LRP1B: variants seen among roughly 807,000 people sequenced by gnomAD.
LRP1B encodes the protein low-density lipoprotein receptor-related protein 1B.
A neutral mutation model predicts 556.6 loss-of-function variants in LRP1B; 217 were observed. That is an observed-to-expected ratio of 0.39 (90% CI 0.35 to 0.44). The LOEUF (loss-of-function observed/expected upper bound fraction) is 0.44, where lower values mean the gene tolerates loss of function less well. Among genes scored for constraint, LRP1B ranks in the 20% least tolerant of loss-of-function variants. The probability of loss-of-function intolerance (pLI) is 1.00; values close to 1 mark genes in which losing one functional copy is unlikely to be tolerated. For missense variants in LRP1B, 5,053 were observed against 5,620.8 expected, an observed-to-expected ratio of 0.90 and a Z score of 3.23; for synonymous variants, 2,047 against 1,865.8, an observed-to-expected ratio of 1.10 and a Z score of -2.50.
intron 43 of LRP1B, among the ~76,000 whole-genome samples, chr2:140,581,116 T>C (rs1470022118): frequency 6.6e-6 from 1 of 152,186 alleles, no homozygotes; most frequent in Non-Finnish European, 1.5e-5. Flanking sequence ...ATTGCTTTTA[T>C]TTACTTTCTC....
intron 37 of LRP1B, among the ~76,000 whole-genome samples, chr2:140,712,652 C>G (rs1303661297): frequency 6.6e-6 from 1 of 152,048 alleles, no homozygotes; most frequent in African/African-American, 2.4e-5. Flanking sequence ...TCTCCTCTTT[C>G]CCTTCATCAC....
intron 88 of LRP1B, among the ~76,000 whole-genome samples, chr2:140,239,065 G>T (rs1431771218): frequency 6.6e-6 from 1 of 150,868 alleles, no homozygotes; most frequent in Non-Finnish European, 1.5e-5. Context: ...AATTGGAGAT[G>T]TATATATGCA....
At chr2:141,611,519 C>T (rs1688107981) in intron 2 of LRP1B, among the ~76,000 whole-genome samples, 1 of 152,060 alleles carries the variant, frequency 6.6e-6, no homozygotes, top group Non-Finnish European at 1.5e-5. Context: ...AGAGCGCAGC[C>T]TTAAATGCTA....
intron 15 of LRP1B, among the ~76,000 whole-genome samples, chr2:140,999,607 T>C (rs1293409976): frequency 6.6e-6 from 1 of 152,102 alleles, no homozygotes; most frequent in African/African-American, 2.4e-5. Flanking sequence ...TAGAAATAAA[T>C]ACTCTTCTCT....
At chr2:141,013,847 C>G in intron 13 of LRP1B, 102 bp from the exon 14 acceptor site, 1 of 604,868 alleles carries the variant, frequency 1.7e-6, no homozygotes, top group South Asian at 5.6e-5. Flanking sequence ...AGATAATAAT[C>G]TCATATCTTA....
intron 3 of LRP1B, among the ~76,000 whole-genome samples, chr2:141,375,630 G>A (rs1249036941): frequency 6.6e-6 from 1 of 152,190 alleles, no homozygotes; most frequent in Non-Finnish European, 1.5e-5. Context: ...TCACAGCTGG[G>A]TGGGAGCTGC....
intron 71 of LRP1B, among the ~76,000 whole-genome samples, chr2:140,367,686 A>G (rs1334715962): frequency 6.6e-6 from 1 of 151,838 alleles, no homozygotes; most frequent in Non-Finnish European, 1.5e-5. Context: ...AGAGATGAGT[A>G]TCAGTATGAA....
At chr2:140,648,135 T>C (rs1386340356) in intron 41 of LRP1B, among the ~76,000 whole-genome samples, 2 of 152,180 alleles carry the variant, frequency 1.3e-5, no homozygotes, top group Non-Finnish European at 2.9e-5. Context: ...TCACGTCCTT[T>C]GTAGGGACAT....
intron 35 of LRP1B, among the ~76,000 whole-genome samples, chr2:140,745,968 A>T (rs1162419726): frequency 1.3e-5 from 2 of 152,166 alleles, no homozygotes; most frequent in African/African-American, 4.8e-5. Flanking sequence ...GCATTCCAAC[A>T]ATAAAATATA....
rs1243753067 is a variant in LRP1B at position 140,495,590 on chromosome 2, G to T, written c.9009C>A (p.Asn3003Lys). 2 of 1,593,838 alleles carry T rather than the reference G, an allele frequency of 1.3e-6. No individual in the cohort carries two copies. The highest frequency in any genetic ancestry group is 2.2e-5 in the East Asian group (1 of 44,546). ...CTDGYEIQPD[N>K]PNGCKSLSDE... Reference sequence around the variant, plus strand: ...CTGAGAGCGATTTGCAGCCATTTGGGTTATCAGGTTGTATTTCATACCCAT... The same window carrying T: ...CTGAGAGCGATTTGCAGCCATTTGGTTTATCAGGTTGTATTTCATACCCAT... Residue 3003 changes from asparagine (N) to lysine (K), a missense_variant, in exon 56 of 91, where the codon AAC (asparagine) becomes AAA (lysine). Asn to Lys is a moderately conservative substitution (Grantham distance 94). Around this residue, in one of 5 missense-constraint regions of LRP1B, gnomAD observed 3,619 missense variants for 3,931.9 expected, o/e 0.92. Transcript: ENST00000389484.
intron 21 of LRP1B, among the ~76,000 whole-genome samples, 183 bp downstream of exon 21, chr2:140,922,782 C>A (rs983510688): frequency 1.4e-4 from 22 of 152,180 alleles, no homozygotes; most frequent in Non-Finnish European, 7.4e-5. Flanking sequence ...GGAGAACATT[C>A]ATAGAATTAT....
chr2:141,012,423 A>T (rs1697780912), intron 14 of LRP1B, among the ~76,000 whole-genome samples: 1 of 152,054 alleles, frequency 6.6e-6, no homozygotes, highest in Non-Finnish European at 1.5e-5. Flanking sequence ...AGTATAGGCA[A>T]ACTATGGTAG....
intron 1 of LRP1B, among the ~76,000 whole-genome samples, chr2:142,115,422 A>T (rs1707150988): frequency 7.3e-6 from 1 of 136,402 alleles, no homozygotes; most frequent in Non-Finnish European, 1.5e-5. Context: ...AGATTATATC[A>T]CAAAAAATAA....
chr2:140,359,758 G>A (rs940106203), intron 72 of LRP1B, among the ~76,000 whole-genome samples: 5 of 151,504 alleles, frequency 3.3e-5, no homozygotes, highest in African/African-American at 1.2e-4. Context: ...CATCTCAGTT[G>A]GTTGTAGGAC....
rs139037221 is a variant in LRP1B, at chr2:141,364,411, A to AACAC, written c.344-109774_344-109771dup. ...ACACACAGTGGAATTATTAAATCAT[A>AACAC]ACACACACACACACACATATATATA... On this transcript the variant is annotated intron_variant, in intron 3 of 90. Coordinates refer to ENST00000389484, the MANE Select transcript of LRP1B (RefSeq NM_018557.3). 4.2e-3 allele frequency among the ~76,000 whole-genome samples: 632 copies of AACAC among 149,568 alleles called. 2 individuals are homozygous for AACAC. The highest frequency in any genetic ancestry group is 6.9e-3 in the Non-Finnish European group (467 of 67,350).
intron 61 of LRP1B, among the ~76,000 whole-genome samples, chr2:140,456,878 AAG>A (rs1687127608): frequency 1.3e-5 from 2 of 152,230 alleles, no homozygotes; most frequent in Non-Finnish European, 1.5e-5. Context: ...AAAATAAACA[AAG>A]ACTAGAAGCA....
intron 3 of LRP1B, among the ~76,000 whole-genome samples, chr2:141,316,216 T>A (rs1051179091): frequency 5.3e-5 from 8 of 152,132 alleles, no homozygotes; most frequent in African/African-American, 9.7e-5. Flanking sequence ...TAAAGTGCTT[T>A]TGATTACAGA....
intron 77 of LRP1B, among the ~76,000 whole-genome samples, chr2:140,343,844 A>G (rs1422508624): frequency 2.6e-5 from 4 of 151,738 alleles, no homozygotes; most frequent in Admixed American, 6.6e-5. Context: ...GGTACTTACT[A>G]TATACATAAA....
intron 1 of LRP1B, among the ~76,000 whole-genome samples, chr2:142,096,894 C>A (rs559474171): frequency 1.3e-5 from 2 of 151,326 alleles, no homozygotes; most frequent in Non-Finnish European, 3.0e-5. Flanking sequence ...TCTAGAAGTC[C>A]CCAGTTTCTA....
Sources: allele counts gnomAD v4.1 joint callset (sites outside exome capture counted in the v4.1 genomes callset), GRCh38; gene constraint gnomAD v4.1.1; regional missense constraint gnomAD v4.1.1; transcripts MANE v1.5; gene names NCBI Gene and HGNC (gene_info 2026-07-23, HGNC 2026-07-21).